The following MYO3A variants were observed in gnomAD, a reference collection of about 807,000 sequenced individuals.
MYO3A encodes the protein myosin-IIIa.
Under a neutral mutation model 192.7 loss-of-function variants are expected in MYO3A, and 180 were observed. That is an observed-to-expected ratio of 0.93 (90% CI 0.83 to 1.06). MYO3A has a LOEUF of 1.06. Ranked by LOEUF, MYO3A falls within the 50% of genes least tolerant of loss-of-function variation. The probability of loss-of-function intolerance (pLI) is 0.00; values close to 1 mark genes in which losing one functional copy is unlikely to be tolerated. For synonymous variants in MYO3A, 628 were observed against 645.3 expected, an observed-to-expected ratio of 0.97 and a Z score of 0.41; for missense variants, 1,896 against 1,905.0, an observed-to-expected ratio of 1.00 and a Z score of 0.09.
chr10:26,160,113 T>C (rs1179922949), intron 26 of MYO3A, among the ~76,000 whole-genome samples: 1 of 152,154 alleles, frequency 6.6e-6, no homozygotes, highest in Non-Finnish European at 1.5e-5. Flanking sequence ...AATAGTAATA[T>C]AGATATTATG....
At chr10:26,124,188 C>CAA (rs34682530) in intron 18 of MYO3A, among the ~76,000 whole-genome samples, 1,516 of 88,892 alleles carry the variant, frequency 0.017, 29 homozygotes, top group East Asian at 0.03. Flanking sequence ...GACTTTGTCT[C>CAA]AAAAAAAAAA....
chr10:26,019,155 T>C (rs1934449), intron 7 of MYO3A, among the ~76,000 whole-genome samples: 15,300 of 151,778 alleles, frequency 0.1, 881 homozygotes, highest in African/African-American at 0.15. Context: ...GCCTAAACTC[T>C]CCTACTCTAA....
intron 34 of MYO3A, among the ~76,000 whole-genome samples, chr10:26,207,240 A>G (rs1320234007): frequency 6.6e-6 from 1 of 151,752 alleles, no homozygotes; most frequent in Non-Finnish European, 1.5e-5. Flanking sequence ...CCATTTGTCT[A>G]TTTTTTTGCT....
intron 26 of MYO3A, among the ~76,000 whole-genome samples, chr10:26,161,337 A>T (rs1407128905): frequency 6.6e-6 from 1 of 152,234 alleles, no homozygotes; most frequent in Non-Finnish European, 1.5e-5. Flanking sequence ...GGAAAAATAT[A>T]CAACATGAAC....
chr10:26,081,133 T>TCCCCCTCCCCC (rs1835905112), intron 14 of MYO3A, among the ~76,000 whole-genome samples: 2 of 84,942 alleles, frequency 2.4e-5, no homozygotes, highest in African/African-American at 4.2e-5. Context: ...TATATGCCCT[T>TCCCCCTCCCCC]CCCCCCCCCC....
intron 18 of MYO3A, among the ~76,000 whole-genome samples, chr10:26,121,681 G>A (rs1326930160): frequency 6.6e-6 from 1 of 152,150 alleles, no homozygotes; most frequent in Non-Finnish European, 1.5e-5. Flanking sequence ...AACCCAGGAG[G>A]CAGAGGTTGC....
chr10:26,070,497 T>C (rs953263445), intron 14 of MYO3A, 96 bp downstream of exon 14: 1 of 1,063,856 alleles, frequency 9.4e-7, no homozygotes, highest in Admixed American at 1.9e-5. Flanking sequence ...GTATCTCACA[T>C]TTAATAATGT....
chr10:26,193,296 C>G lies in MYO3A; in HGVS notation c.4530C>G (p.Tyr1510Ter). Residue 1510 changes from tyrosine (Y) to a stop codon, truncating the protein, a stop_gained, in exon 32 of 35, where the codon TAC becomes TAG. Coordinates refer to ENST00000642920, the MANE Select transcript of MYO3A (RefSeq NM_017433.5). LOFTEE classifies it high-confidence loss of function. ...KTLNNPEDST[Y>*]YYLLHKSIQE... The stretch of plus-strand genomic sequence containing the variant: ...TAAATAACCCTGAAGACTCCACATA[C>G]TATTATCTACTTCATGTAAGTGGCT... 1.2e-6 allele frequency: 2 copies of G among 1,612,246 alleles called. No individual in the cohort carries two copies. Among genetic ancestry groups the G allele is most frequent in the Non-Finnish European group, 1.7e-6 (2 of 1,178,438 alleles).
intron 10 of MYO3A, among the ~76,000 whole-genome samples, chr10:26,035,349 A>G: frequency 6.6e-6 from 1 of 152,218 alleles, no homozygotes; most frequent in African/African-American, 2.4e-5. Context: ...GGCCATTGTA[A>G]GTACCTCTGC....
At position 26,211,972 on chromosome 10, in the gene MYO3A, C is replaced by A. The variant is rs1055233557; in HGVS notation, c.*9C>A. ...TCGTCCAGCAGTCCTAACCGTTCAACGAGGCAGTCACCGCCGTCGGAAGGC... is the reference window on the plus strand; with the variant it reads ...TCGTCCAGCAGTCCTAACCGTTCAAAGAGGCAGTCACCGCCGTCGGAAGGC... On this transcript the variant is annotated 3_prime_UTR_variant, in exon 35 of 35. Transcript: ENST00000642920. 2 of 1,608,800 alleles carry A rather than the reference C, an allele frequency of 1.2e-6. No homozygotes were observed. The highest frequency in any genetic ancestry group is 1.7e-6 in the Non-Finnish European group (2 of 1,175,798).
At chr10:26,174,721 G>A (rs1166829122) in intron 30 of MYO3A, among the ~76,000 whole-genome samples, 164 bp downstream of exon 30, 2 of 152,116 alleles carry the variant, frequency 1.3e-5, no homozygotes, top group South Asian at 2.1e-4. Flanking sequence ...CAAATAGCCA[G>A]GAACTTTTAA....
At chr10:26,198,380 C>T (rs1843517850) in intron 32 of MYO3A, among the ~76,000 whole-genome samples, 1 of 152,164 alleles carries the variant, frequency 6.6e-6, no homozygotes, top group East Asian at 1.9e-4. Flanking sequence ...CAAAGCTGTG[C>T]AGCATCAGCA....
chr10:26,147,670 C>T, intron 23 of MYO3A, 111 bp downstream of exon 23: 1 of 1,488,546 alleles, frequency 6.7e-7, no homozygotes, highest in Non-Finnish European at 9.2e-7. Context: ...TTGTTTTCGG[C>T]TCACTAAATA....
At chr10:26,187,689 T>C (rs1358059402) in intron 31 of MYO3A, among the ~76,000 whole-genome samples, 1 of 133,490 alleles carries the variant, frequency 7.5e-6, no homozygotes, top group African/African-American at 2.8e-5. Context: ...CCCCTTCCTG[T>C]GTCCATGTGT....
intron 14 of MYO3A, among the ~76,000 whole-genome samples, chr10:26,072,363 G>A (rs1257800856): frequency 6.6e-6 from 1 of 152,136 alleles, no homozygotes; most frequent in Non-Finnish European, 1.5e-5. Flanking sequence ...TGACTGAGAT[G>A]ATGAGTATTG....
At chr10:26,104,480 TA>T (rs1468541550) in intron 17 of MYO3A, among the ~76,000 whole-genome samples, 1 of 152,150 alleles carries the variant, frequency 6.6e-6, no homozygotes, top group Non-Finnish European at 1.5e-5. Flanking sequence ...AAATATCAAT[TA>T]ACCACAAATA....
At chr10:26,099,569 T>C (rs1354432463) in intron 17 of MYO3A, among the ~76,000 whole-genome samples, 1 of 152,220 alleles carries the variant, frequency 6.6e-6, no homozygotes, top group East Asian at 1.9e-4. Flanking sequence ...ACTCTTATTA[T>C]TTTGAGATAT....
chr10:25,986,823 A>G (rs1037903682), intron 4 of MYO3A, among the ~76,000 whole-genome samples: 2 of 152,232 alleles, frequency 1.3e-5, no homozygotes, highest in African/African-American at 4.8e-5. Context: ...ATTTCCATCA[A>G]AATACCACAA....
At chr10:26,093,340 C>T (rs1836817536) in intron 15 of MYO3A, among the ~76,000 whole-genome samples, 1 of 152,112 alleles carries the variant, frequency 6.6e-6, no homozygotes, top group African/African-American at 2.4e-5. Context: ...TATGCTGTGC[C>T]AGTCGTAGAG....
Sources: gnomAD v4.1 joint callset for allele counts (sites outside exome capture counted in the v4.1 genomes callset) on GRCh38, gnomAD v4.1.1 for gene constraint, MANE v1.5 for transcripts, NCBI Gene and HGNC (gene_info 2026-07-23, HGNC 2026-07-21) for gene names.